SCN8A: variants seen among roughly 807,000 people sequenced by gnomAD.
The protein encoded by SCN8A is sodium channel protein type 8 subunit alpha.
Under a neutral mutation model 184.1 loss-of-function variants are expected in SCN8A, and 30 were observed. That is an observed-to-expected ratio of 0.16 (90% confidence interval 0.12 to 0.22). The LOEUF (loss-of-function observed/expected upper bound fraction) is 0.22, where lower values mean the gene tolerates loss of function less well. Among genes scored for constraint, SCN8A ranks in the 10% least tolerant of loss-of-function variants. SCN8A has a pLI of 1.00. For missense variants in SCN8A, 1,057 were observed against 2,498.9 expected, an observed-to-expected ratio of 0.42 and a Z score of 12.30; for synonymous variants, 852 against 907.0, an observed-to-expected ratio of 0.94 and a Z score of 1.09.
intron 1 of SCN8A, among the ~76,000 whole-genome samples, chr12:51,600,447 G>T (rs1257063526): frequency 6.6e-6 from 1 of 152,292 alleles, no homozygotes; most frequent in South Asian, 2.1e-4. Context: ...TAACTGAAAG[G>T]ATTTTAGTAG....
chr12:51,645,058 C>T (rs1353103024), intron 1 of SCN8A, among the ~76,000 whole-genome samples: 1 of 151,334 alleles, frequency 6.6e-6, no homozygotes, highest in Non-Finnish European at 1.5e-5. Flanking sequence ...CGGCCAGCCG[C>T]CCCGTCCGGG....
chr12:51,789,650 T>C (rs1938188560), intron 24 of SCN8A, among the ~76,000 whole-genome samples: 2 of 152,202 alleles, frequency 1.3e-5, no homozygotes, highest in South Asian at 4.1e-4. Context: ...TCTTGAGGCC[T>C]ATTACTGGTC....
At chr12:51,622,603 T>C (rs537957533) in intron 1 of SCN8A, among the ~76,000 whole-genome samples, 1 of 152,338 alleles carries the variant, frequency 6.6e-6, no homozygotes, top group African/African-American at 2.4e-5. Flanking sequence ...GTGAAGTGCC[T>C]TCCTCATATC....
chr12:51,786,487 A>G, intron 21 of SCN8A, 55 bp from the exon 22 acceptor site: 1 of 1,592,604 alleles, frequency 6.3e-7, no homozygotes, highest in Non-Finnish European at 8.6e-7. Context: ...GAAATCAAAA[A>G]ATGTGCTTGC....
intron 22 of SCN8A, among the ~76,000 whole-genome samples, chr12:51,787,256 G>A (rs1938111642): frequency 6.6e-6 from 1 of 152,144 alleles, no homozygotes; most frequent in Admixed American, 6.5e-5. Flanking sequence ...AAAAAACCAT[G>A]GCAGTGCCTT....
intron 16 of SCN8A, among the ~76,000 whole-genome samples, chr12:51,768,323 C>T (rs964660935): frequency 1.8e-4 from 27 of 152,066 alleles, no homozygotes; most frequent in African/African-American, 5.6e-4. Flanking sequence ...CTTGCTAAAG[C>T]GATTTTATTT....
At chr12:51,746,083 A>G (rs1286450011) in intron 13 of SCN8A, 48 bp downstream of exon 13, 1 of 1,529,496 alleles carries the variant, frequency 6.5e-7, no homozygotes, top group South Asian at 1.3e-5. Flanking sequence ...TAAATATGTA[A>G]TGTGCATGGT....
rs912406950 is a variant in SCN8A at position 51,741,152 on chromosome 12, A to G, written c.1999-4751A>G. ...ATTTGGGTGTTCCAGTGTTGGGTAC[A>G]TGTATATTTATAATTGCTATATCCT... On this transcript the variant is annotated intron_variant, in intron 12 of 26. Coordinates refer to ENST00000627620, the MANE Select transcript of SCN8A (RefSeq NM_001330260.2). Among the ~76,000 whole-genome samples, 12 of 152,190 alleles carry G rather than the reference A, an allele frequency of 7.9e-5. No homozygotes were observed. In the East Asian group the frequency reaches 1.3e-3, roughly 17 times the overall value.
intron 1 of SCN8A, among the ~76,000 whole-genome samples, chr12:51,611,227 G>A (rs942375832): frequency 4.2e-5 from 6 of 144,216 alleles, no homozygotes; most frequent in African/African-American, 1.0e-4. Flanking sequence ...TCTCTCTGTC[G>A]CCCAGGCTGG....
intron 1 of SCN8A, among the ~76,000 whole-genome samples, chr12:51,603,168 C>T (rs1016699104): frequency 6.6e-6 from 1 of 152,160 alleles, no homozygotes; most frequent in African/African-American, 2.4e-5. Context: ...TGTTCCTTTG[C>T]AGTCAAACTT....
intron 2 of SCN8A, among the ~76,000 whole-genome samples, chr12:51,681,716 T>G (rs992419705): frequency 6.6e-6 from 1 of 152,194 alleles, no homozygotes; most frequent in African/African-American, 2.4e-5. Context: ...AGGGATGGTG[T>G]AGTGGGCGTT....
At chr12:51,736,657 G>A (rs554530258) in intron 12 of SCN8A, among the ~76,000 whole-genome samples, 132 of 152,344 alleles carry the variant, frequency 8.7e-4, no homozygotes, top group Non-Finnish European at 1.5e-3. Context: ...AGGTGTATGA[G>A]CTCTAATGTC....
chr12:51,768,658 G>C (rs1185603582), intron 16 of SCN8A, among the ~76,000 whole-genome samples: 1 of 152,154 alleles, frequency 6.6e-6, no homozygotes, highest in East Asian at 1.9e-4. Flanking sequence ...CCCAAGAAAA[G>C]AGGTGCTAAA....
chr12:51,606,018 T>G (rs1257596903), intron 1 of SCN8A, among the ~76,000 whole-genome samples: 1 of 152,186 alleles, frequency 6.6e-6, no homozygotes, highest in Non-Finnish European at 1.5e-5. Context: ...ATATATAGAT[T>G]GTCAAGATTT....
chr12:51,593,520 G>A (rs1409196728), intron 1 of SCN8A, among the ~76,000 whole-genome samples: 2 of 152,110 alleles, frequency 1.3e-5, no homozygotes, highest in East Asian at 3.8e-4. Flanking sequence ...ACAACCATAC[G>A]GTTGCTGTTG....
intron 11 of SCN8A, among the ~76,000 whole-genome samples, chr12:51,711,713 C>T (rs368010893): frequency 2.8e-5 from 4 of 144,068 alleles, no homozygotes; most frequent in Non-Finnish European, 6.1e-5. Context: ...CTTCTGAGTT[C>T]TTTTTTTTTT....
At position 51,731,866 on chromosome 12, in the gene SCN8A, T is replaced by A. The variant is rs367553087; in HGVS notation, c.1998+9958T>A. On this transcript the variant is annotated intron_variant, in intron 12 of 26. Transcript: ENST00000627620. The stretch of plus-strand genomic sequence containing the variant: ...TATACTTGTTTGCCATTTATATGTC[T>A]TCTTTGGAGAAATGTCTATTCAAAT... 3.3e-5 allele frequency among the ~76,000 whole-genome samples: 5 copies of A among 152,354 alleles called. No homozygotes were observed. The East Asian group carries it at 9.6e-4, about 29-fold the overall frequency.
intron 1 of SCN8A, among the ~76,000 whole-genome samples, chr12:51,603,621 A>G (rs1029068164): frequency 6.6e-6 from 1 of 152,226 alleles, no homozygotes. Flanking sequence ...ACTGTTTTTC[A>G]GAATGGTTGT....
At chr12:51,646,699 A>G (rs1039868693) in intron 1 of SCN8A, among the ~76,000 whole-genome samples, 2 of 152,258 alleles carry the variant, frequency 1.3e-5, no homozygotes, top group Non-Finnish European at 2.9e-5. Context: ...AGAGACTACA[A>G]AGGGTTTTCT....
Sources: gnomAD v4.1 joint callset for allele counts (sites outside exome capture counted in the v4.1 genomes callset) on GRCh38, gnomAD v4.1.1 for gene constraint, MANE v1.5 for transcripts, NCBI Gene and HGNC (gene_info 2026-07-23, HGNC 2026-07-21) for gene names.